Variants in MAPK10 observed in about 807,000 individuals in gnomAD.
The protein encoded by MAPK10 is JNK3 alpha protein kinase.
In MAPK10, 25 loss-of-function variants were observed where a neutral mutation model predicts 59.3. The ratio of observed to expected loss-of-function variants is 0.42; its 90% CI spans 0.31 to 0.59. MAPK10 has a LOEUF of 0.59. MAPK10 is among the 20% of genes least tolerant of loss of function. MAPK10 has a pLI of 0.15. For synonymous variants in MAPK10, 190 were observed against 200.5 expected, an observed-to-expected ratio of 0.95 and a Z score of 0.44; for missense variants, 351 against 568.9, an observed-to-expected ratio of 0.62 and a Z score of 3.90.
Position 86,365,431 on chromosome 4 carries a change from C to CAAAAAAAAAAAA in MAPK10, c.-121-10799_-121-10788dup, listed in dbSNP as rs70948789. Among the ~76,000 whole-genome samples, 124 of 32,444 alleles carry CAAAAAAAAAAAA rather than the reference C, an allele frequency of 3.8e-3. 29 individuals are homozygous for CAAAAAAAAAAAA. Among genetic ancestry groups the CAAAAAAAAAAAA allele is most frequent in the Middle Eastern group, 0.033 (1 of 30 alleles). 21.3% of individuals were successfully genotyped at this position (32,444 alleles called of 152,430 possible). On this transcript the variant is annotated intron_variant, in intron 1 of 13. Coordinates refer to the MAPK10 transcript ENST00000361569. ...TGGGCAACAGGGTGAGACTCTGTCT[C>CAAAAAAAAAAAA]AAAAAAAAAAAAAAAAAAAAAAAAA...
chr4:86,129,881 T>C (rs1210299239), intron 4 of MAPK10, among the ~76,000 whole-genome samples: 1 of 152,148 alleles, frequency 6.6e-6, no homozygotes, highest in Non-Finnish European at 1.5e-5. Flanking sequence ...CAGCTTAAGT[T>C]TGGAGATAGG....
At chr4:86,474,729 T>C (rs1355883182) in intron 1 of MAPK10, among the ~76,000 whole-genome samples, 3 of 152,222 alleles carry the variant, frequency 2.0e-5, no homozygotes, top group Admixed American at 6.5e-5. Flanking sequence ...CCAGAGAAGC[T>C]TGACTGGCCA....
At position 86,415,273 on chromosome 4, in the gene MAPK10, C is replaced by T. The variant is rs531612673; in HGVS notation, c.-122+37757G>A. Among the ~76,000 whole-genome samples, 6 of 152,222 alleles carry T rather than the reference C, an allele frequency of 3.9e-5. No homozygotes were observed. The South Asian group carries it at 1.2e-3, about 32-fold the overall frequency. On this transcript the variant is annotated intron_variant, in intron 1 of 13. Coordinates refer to the MAPK10 transcript ENST00000361569. ...GGACTAGAAACTTTGCTAGCAACAG[C>T]CCATTCCCGATCCATATTGTCAGTG...
At chr4:86,154,668 T>A (rs1209390937) in intron 4 of MAPK10, among the ~76,000 whole-genome samples, 3 of 152,060 alleles carry the variant, frequency 2.0e-5, no homozygotes, top group Admixed American at 6.6e-5. Flanking sequence ...CTGAGTCCTA[T>A]GAGAAAATCC....
chr4:86,421,784 T>C (rs1746574761), intron 1 of MAPK10, among the ~76,000 whole-genome samples: 1 of 152,198 alleles, frequency 6.6e-6, no homozygotes, highest in African/African-American at 2.4e-5. Context: ...AAAGCATAAG[T>C]AGGATCGTGC....
chr4:86,561,273 G>A (rs1672873534), intron 1 of MAPK10, among the ~76,000 whole-genome samples: 2 of 152,156 alleles, frequency 1.3e-5, no homozygotes, highest in Admixed American at 6.5e-5. Context: ...GGGGGATGGG[G>A]ATCCCTGTCC....
intron 2 of MAPK10, among the ~76,000 whole-genome samples, chr4:86,204,624 T>C (rs1414021712): frequency 6.6e-6 from 1 of 151,962 alleles, no homozygotes; most frequent in Non-Finnish European, 1.5e-5. Context: ...CTCAGAACGG[T>C]GACAACTTCA....
intron 1 of MAPK10, among the ~76,000 whole-genome samples, chr4:86,490,942 G>A (rs1189920101): frequency 1.3e-5 from 2 of 152,084 alleles, no homozygotes; most frequent in Admixed American, 6.6e-5. Context: ...TTAGGTACTG[G>A]GGAAAAAAGG....
chr4:86,106,095 T>C (rs1258677799), intron 5 of MAPK10, among the ~76,000 whole-genome samples: 18 of 152,156 alleles, frequency 1.2e-4, no homozygotes, highest in Admixed American at 1.2e-3. Flanking sequence ...ATTCAACACA[T>C]ACATGTCAAA....
At position 86,017,173 on chromosome 4, in the gene MAPK10, G is replaced by A. The variant is rs1346200107; in HGVS notation, c.*55C>T. Reference sequence around the variant, plus strand: ...TGTGTGTGTGTGTCTGCGTGTGTGTGTGTTCCATCACATCATCTCCTGAAG... The same window carrying A: ...TGTGTGTGTGTGTCTGCGTGTGTGTATGTTCCATCACATCATCTCCTGAAG... On this transcript the variant is annotated 3_prime_UTR_variant, in exon 14 of 14. Transcript: ENST00000641462. This position sits in a 1 kb window ranked among gnomAD's most constrained non-coding sequence, Gnocchi z 4.4. 2 of 1,586,476 alleles carry A rather than the reference G, an allele frequency of 1.3e-6. No homozygotes were observed. Among genetic ancestry groups the A allele is most frequent in the African/African-American group, 2.7e-5 (2 of 74,500 alleles).
At chr4:86,039,649 C>T (rs567160343) in intron 11 of MAPK10, among the ~76,000 whole-genome samples, 1 of 152,226 alleles carries the variant, frequency 6.6e-6, no homozygotes, top group Non-Finnish European at 1.5e-5. Context: ...TAATCCTGGA[C>T]ATCAGATCCA....
In MAPK10 at chr4:86,295,449, A is replaced by G. The variant is rs1235971928; in HGVS notation, c.-7+59081T>C. On this transcript the variant is annotated intron_variant, in intron 2 of 13. Coordinates refer to ENST00000641462, the MANE Select transcript of MAPK10 (RefSeq NM_138982.4). ...AACTTGCTCTACATTTTATGGATGT[A>G]ATTTTTTTGTCAGCGTCCCTTCCCT... Among the ~76,000 whole-genome samples the G allele has an allele frequency of 3.9e-5, 6 of 152,150 alleles. No homozygotes were observed. In the East Asian group the frequency reaches 5.8e-4, roughly 15 times the overall value.
At chr4:86,526,538 G>A (rs1323105151) in intron 1 of MAPK10, among the ~76,000 whole-genome samples, 3 of 152,100 alleles carry the variant, frequency 2.0e-5, no homozygotes, top group African/African-American at 7.2e-5. Context: ...TTTGGTTTTG[G>A]TGATACTTTA....
chr4:86,155,855 T>C (rs1221777253), intron 4 of MAPK10, among the ~76,000 whole-genome samples: 1 of 152,032 alleles, frequency 6.6e-6, no homozygotes, highest in African/African-American at 2.4e-5. Context: ...CCGTTATTAA[T>C]TAAAATAAGA....
At chr4:86,319,387 A>G (rs1435781104) in intron 2 of MAPK10, among the ~76,000 whole-genome samples, 1 of 152,182 alleles carries the variant, frequency 6.6e-6, no homozygotes, top group Non-Finnish European at 1.5e-5. Flanking sequence ...GGAGACATAC[A>G]TTTCTCCATT....
At chr4:86,098,200 T>G (rs1157507354) in intron 9 of MAPK10, among the ~76,000 whole-genome samples, 1 of 152,168 alleles carries the variant, frequency 6.6e-6, no homozygotes, top group African/African-American at 2.4e-5. Context: ...GTGACTTATT[T>G]TGCTAGTTAT....
Position 86,064,340 on chromosome 4 carries a change from T to C in MAPK10, c.1036A>G (p.Lys346Glu). 2 of 1,614,212 alleles carry C rather than the reference T, an allele frequency of 1.2e-6. No homozygotes were observed. Among genetic ancestry groups the C allele is most frequent in the Non-Finnish European group, 1.7e-6 (2 of 1,180,030 alleles). ...LSKMLVIDPAKRISVDDALQH... is the reference protein window; with the variant it reads ...LSKMLVIDPAERISVDDALQH... ...AAGGCGTCGTCCACTGATATTCTTT[T>C]TGCTGGGTCAATCACTAGCATCTTT... The change falls in exon 11 of 14, where the codon AAA becomes GAA. Residue 346 changes from lysine (K) to glutamate (E), a missense_variant. By Grantham distance (56) the Lys-to-Glu change is moderately conservative. Transcript: ENST00000641462.
intron 1 of MAPK10, among the ~76,000 whole-genome samples, chr4:86,559,937 CAAA>C (rs368858392): frequency 8.0e-6 from 1 of 124,404 alleles, no homozygotes. Context: ...GACTTTGTCT[CAAA>C]AAAAAAAAAA....
At chr4:86,579,972 C>G (rs377698194) in intron 1 of MAPK10, among the ~76,000 whole-genome samples, 5 of 152,112 alleles carry the variant, frequency 3.3e-5, no homozygotes, top group Admixed American at 2.0e-4. Flanking sequence ...TGCCACCACA[C>G]GGACTAATTA....
Sources: gnomAD v4.1 joint callset for allele counts (sites outside exome capture counted in the v4.1 genomes callset) on GRCh38, gnomAD v4.1.1 for gene constraint, Gnocchi (gnomAD v3.1) non-coding constraint, MANE v1.5 for transcripts, NCBI Gene and HGNC (gene_info 2026-07-23, HGNC 2026-07-21) for gene names.